Variants in OLFM2 observed in about 807,000 individuals in gnomAD.
OLFM2 encodes olfactomedin 2.
In OLFM2, 20 loss-of-function variants were observed where a neutral mutation model predicts 43.9. That is an observed-to-expected ratio of 0.46 (90% CI 0.32 to 0.66). The LOEUF (loss-of-function observed/expected upper bound fraction) is 0.66. Among genes scored for constraint, OLFM2 ranks in the 30% least tolerant of loss-of-function variants. The pLI is 0.04. For missense variants in OLFM2, 416 were observed against 643.6 expected, an observed-to-expected ratio of 0.65 and a Z score of 3.83; for synonymous variants, 268 against 278.6, an observed-to-expected ratio of 0.96 and a Z score of 0.38.
At chr19:9,877,910 T>A (rs2046505695) in intron 1 of OLFM2, among the ~76,000 whole-genome samples, 1 of 152,158 alleles carries the variant, frequency 6.6e-6, no homozygotes, top group South Asian at 2.1e-4. Flanking sequence ...TGGAGTGCAA[T>A]GATGCGATCC....
chr19:9,909,619 A>G (rs757939972), intron 1 of OLFM2, among the ~76,000 whole-genome samples: 20 of 152,172 alleles, frequency 1.3e-4, no homozygotes, highest in Non-Finnish European at 2.5e-4. Flanking sequence ...AAACACCAGC[A>G]TCCAACCTTC....
At chr19:9,882,446 G>A (rs1357036320) in intron 1 of OLFM2, among the ~76,000 whole-genome samples, 3 of 151,698 alleles carry the variant, frequency 2.0e-5, no homozygotes, top group East Asian at 2.0e-4. Context: ...GCTGAGGCAG[G>A]AGAATGGCGT....
intron 1 of OLFM2, among the ~76,000 whole-genome samples, chr19:9,902,516 A>G (rs10426265): frequency 0.65 from 98,642 of 151,510 alleles, 32,644 homozygotes; most frequent in African/African-American, 0.75. Flanking sequence ...CCGAGTAGCT[A>G]GGATTACAGG....
intron 1 of OLFM2, among the ~76,000 whole-genome samples, chr19:9,933,276 G>A (rs1165703985): frequency 6.6e-6 from 1 of 152,154 alleles, no homozygotes; most frequent in Non-Finnish European, 1.5e-5. Flanking sequence ...TTGTTCTGTT[G>A]CCTAGGCTGG....
At chr19:9,916,312 G>A (rs930323385) in intron 1 of OLFM2, among the ~76,000 whole-genome samples, 3 of 152,038 alleles carry the variant, frequency 2.0e-5, no homozygotes, top group African/African-American at 7.2e-5. Context: ...AGCCAAGATC[G>A]AGCCACTGCA....
chr19:9,872,150 C>T (rs2145445418), intron 1 of OLFM2, among the ~76,000 whole-genome samples: 1 of 152,300 alleles, frequency 6.6e-6, no homozygotes, highest in South Asian at 2.1e-4. Context: ...GAGATAATAG[C>T]AGCCTGCTCT....
At chr19:9,934,238 G>A (rs2086502374) in intron 1 of OLFM2, among the ~76,000 whole-genome samples, 1 of 152,158 alleles carries the variant, frequency 6.6e-6, no homozygotes, top group South Asian at 2.1e-4. Context: ...CGCCGAGACT[G>A]TTTCACAACC....
At chr19:9,926,843 G>T (rs1331699944) in intron 1 of OLFM2, among the ~76,000 whole-genome samples, 1 of 151,978 alleles carries the variant, frequency 6.6e-6, no homozygotes, top group Non-Finnish European at 1.5e-5. Context: ...AAATTATGTG[G>T]GCATGGTGGC....
At chr19:9,894,659 A>G (rs1420146003) in intron 1 of OLFM2, among the ~76,000 whole-genome samples, 1 of 149,580 alleles carries the variant, frequency 6.7e-6, no homozygotes, top group Non-Finnish European at 1.5e-5. Context: ...CAGTGAGCCG[A>G]GATTGCACCA....
At chr19:9,929,314 C>T (rs1023549644) in intron 1 of OLFM2, among the ~76,000 whole-genome samples, 1 of 152,008 alleles carries the variant, frequency 6.6e-6, no homozygotes, top group African/African-American at 2.4e-5. Context: ...ATACATGGGC[C>T]GGGCGCGGTG....
chr19:9,914,369 G>A (rs2046858283), intron 1 of OLFM2, among the ~76,000 whole-genome samples: 1 of 152,148 alleles, frequency 6.6e-6, no homozygotes, highest in East Asian at 1.9e-4. Context: ...CTGGGGGAAG[G>A]GGCTTCCTTC....
intron 1 of OLFM2, among the ~76,000 whole-genome samples, chr19:9,924,362 C>G (rs1262018487): frequency 7.5e-6 from 1 of 132,848 alleles, no homozygotes; most frequent in African/African-American, 2.9e-5. Flanking sequence ...GCCAAGATCA[C>G]ACCACTGCAC....
At chr19:9,911,338 T>C (rs1183640685) in intron 1 of OLFM2, among the ~76,000 whole-genome samples, 1 of 152,162 alleles carries the variant, frequency 6.6e-6, no homozygotes, top group East Asian at 1.9e-4. Flanking sequence ...CAGATCCCTT[T>C]TGACAAAGTA....
At chr19:9,906,669 C>T (rs539766011) in intron 1 of OLFM2, among the ~76,000 whole-genome samples, 2 of 152,196 alleles carry the variant, frequency 1.3e-5, no homozygotes, top group South Asian at 4.2e-4. Flanking sequence ...AAGAGAGAGA[C>T]GCAGGCAGAG....
chr19:9,881,962 T>G, intron 1 of OLFM2, among the ~76,000 whole-genome samples: 1 of 152,210 alleles, frequency 6.6e-6, no homozygotes, highest in Non-Finnish European at 1.5e-5. Flanking sequence ...CTGGGCGTGG[T>G]GGCTCACGCC....
At position 9,857,077 on chromosome 19, in the gene OLFM2, A is replaced by G. The variant is rs926294383; in HGVS notation, c.581-164T>C. On this transcript the variant is annotated intron_variant, in intron 4 of 5. Coordinates refer to ENST00000264833, the MANE Select transcript of OLFM2 (RefSeq NM_058164.4). The surrounding 1 kb of genome is among the most constrained non-coding windows in gnomAD (Gnocchi z 5.7). Reference sequence around the variant, plus strand: ...GTTGTTCAGTTGTGAGTGAGGGGTTAGAGGCCAAGGGTCAGGGCCATTTCC... The same window carrying G: ...GTTGTTCAGTTGTGAGTGAGGGGTTGGAGGCCAAGGGTCAGGGCCATTTCC... 5 of 811,818 alleles carry G rather than the reference A, an allele frequency of 6.2e-6. No individual in the cohort carries two copies. Among genetic ancestry groups the G allele is most frequent in the Middle Eastern group, 6.3e-4 (2 of 3,196 alleles). The allele number at this position is 811,818 out of a possible 1,614,324, so 50.3% of individuals were successfully genotyped here.
At chr19:9,881,096 C>T (rs1277660700) in intron 1 of OLFM2, among the ~76,000 whole-genome samples, 1 of 152,160 alleles carries the variant, frequency 6.6e-6, no homozygotes, top group African/African-American at 2.4e-5. Context: ...CGGGGTTTTG[C>T]CATGTTGGCC....
At chr19:9,878,202 C>T (rs1568373132) in intron 1 of OLFM2, among the ~76,000 whole-genome samples, 2 of 151,852 alleles carry the variant, frequency 1.3e-5, no homozygotes, top group South Asian at 2.1e-4. Context: ...GCAAACAGGC[C>T]GGGACACATA....
At chr19:9,936,168 C>G in intron 1 of OLFM2, 136 bp downstream of exon 1, 1 of 937,032 alleles carries the variant, frequency 1.1e-6, no homozygotes, top group Non-Finnish European at 1.6e-6. Flanking sequence ...CCCTCCCCCG[C>G]TGCGACCCCC....
Sources: gnomAD v4.1 joint callset for allele counts (sites outside exome capture counted in the v4.1 genomes callset) on GRCh38, gnomAD v4.1.1 for gene constraint, Gnocchi (gnomAD v3.1) non-coding constraint, MANE v1.5 for transcripts, NCBI Gene and HGNC (gene_info 2026-07-23, HGNC 2026-07-21) for gene names.